Variants in CLEC19A observed in about 807,000 individuals in gnomAD.
The protein encoded by CLEC19A is C-type lectin domain family 19 member A.
In CLEC19A, 21 loss-of-function variants were observed where a neutral mutation model predicts 26.1. The observed-to-expected ratio is 0.80, with a 90% CI of 0.57 to 1.16. The LOEUF (loss-of-function observed/expected upper bound fraction) is 1.16, where lower values mean the gene tolerates loss of function less well. Ranked by LOEUF, CLEC19A falls within the 50% of genes most tolerant of loss-of-function variation. CLEC19A has a pLI of 0.00. For missense variants in CLEC19A, 224 were observed against 227.6 expected (o/e 0.98, Z 0.10); for synonymous variants, 89 against 88.6 (o/e 1.00, Z -0.03).
chr16:19,303,281 G>A (rs1019449332), intron 2 of CLEC19A, among the ~76,000 whole-genome samples: 1 of 152,136 alleles, frequency 6.6e-6, no homozygotes, highest in African/African-American at 2.4e-5. Flanking sequence ...ATCCATCCAT[G>A]TATTCATTCA....
rs528547354 is a variant in CLEC19A, at chr16:19,310,314, T to A, written c.*1231T>A. 3.3e-5 allele frequency: 5 copies of A among 150,980 alleles called. No individual in the cohort carries two copies. The highest frequency in any genetic ancestry group is 5.9e-5 in the Non-Finnish European group (4 of 67,706). 9.4% of individuals were successfully genotyped at this position (150,980 alleles called of 1,614,324 possible). ...TAAGACCCCATCTCCATAAGAAAAA[T>A]TTTTTAATTAGCCAAGCATGGTGAT... On this transcript the variant is annotated 3_prime_UTR_variant, in exon 5 of 5. Coordinates refer to ENST00000636231, the MANE Select transcript of CLEC19A (RefSeq NM_001256720.2).
chr16:19,302,968 A>C (rs1897867350), intron 2 of CLEC19A, among the ~76,000 whole-genome samples: 1 of 152,174 alleles, frequency 6.6e-6, no homozygotes, highest in South Asian at 2.1e-4. Flanking sequence ...CCTTAAATCT[A>C]ACTGGCCATG....
chr16:19,296,231 C>T (rs1897703187), intron 1 of CLEC19A, among the ~76,000 whole-genome samples: 1 of 152,232 alleles, frequency 6.6e-6, no homozygotes, highest in Admixed American at 6.5e-5. Flanking sequence ...GGGGAAAGCC[C>T]AGTGGTACTG....
At chr16:19,300,797 A>G (rs1435469485) in intron 2 of CLEC19A, among the ~76,000 whole-genome samples, 1 of 152,212 alleles carries the variant, frequency 6.6e-6, no homozygotes, top group Non-Finnish European at 1.5e-5. Context: ...CTAGAGATAC[A>G]TAGGAGCAGA....
At chr16:19,295,115 A>C (rs1420693835) in intron 1 of CLEC19A, among the ~76,000 whole-genome samples, 1 of 152,030 alleles carries the variant, frequency 6.6e-6, no homozygotes, top group Non-Finnish European at 1.5e-5. Flanking sequence ...GCGGCGATAA[A>C]ATTCCCCCTC....
chr16:19,294,006 G>A (rs535142193), intron 1 of CLEC19A, among the ~76,000 whole-genome samples: 160 of 151,886 alleles, frequency 1.1e-3, no homozygotes, highest in African/African-American at 3.6e-3. Flanking sequence ...TATTCATTCT[G>A]TCTAACCATA....
chr16:19,296,477 G>A (rs1897707556), intron 1 of CLEC19A, among the ~76,000 whole-genome samples: 1 of 152,186 alleles, frequency 6.6e-6, no homozygotes, highest in Admixed American at 6.5e-5. Flanking sequence ...AGTACTTGGT[G>A]ACTTTATTTG....
intron 1 of CLEC19A, among the ~76,000 whole-genome samples, chr16:19,289,871 A>C (rs549688486): frequency 6.6e-6 from 1 of 152,330 alleles, no homozygotes; most frequent in South Asian, 2.1e-4. Context: ...AGGGTGACTG[A>C]GTCCTCAGAA....
intron 1 of CLEC19A, among the ~76,000 whole-genome samples, chr16:19,287,925 G>A (rs946575798): frequency 1.3e-5 from 2 of 152,174 alleles, no homozygotes; most frequent in Admixed American, 1.3e-4. Context: ...TTTCTATTCT[G>A]ACAAAAGTCT....
At chr16:19,289,690 T>C (rs1253860190) in intron 1 of CLEC19A, among the ~76,000 whole-genome samples, 1 of 152,222 alleles carries the variant, frequency 6.6e-6, no homozygotes, top group African/African-American at 2.4e-5. Context: ...ATTAGCAATA[T>C]AAGAAATTGT....
intron 1 of CLEC19A, among the ~76,000 whole-genome samples, chr16:19,294,768 T>A (rs575034523): frequency 6.6e-6 from 1 of 152,350 alleles, no homozygotes; most frequent in South Asian, 2.1e-4. Context: ...TAGCCCACAC[T>A]ATACTTCTCA....
intron 1 of CLEC19A, among the ~76,000 whole-genome samples, chr16:19,287,594 G>A (rs1289017975): frequency 2.0e-5 from 3 of 152,172 alleles, no homozygotes; most frequent in Admixed American, 6.5e-5. Context: ...ACTGCGCCTC[G>A]TATATCCCAA....
At position 19,286,002 on chromosome 16, in the gene CLEC19A, A is replaced by T. The variant is rs180870593; in HGVS notation, c.88+63A>T. 3,318 of 1,470,670 alleles carry T rather than the reference A, an allele frequency of 2.3e-3. 5 individuals carry two copies. Among genetic ancestry groups the T allele is most frequent in the South Asian group, 3.4e-3 (278 of 82,490 alleles). 91.1% of individuals were successfully genotyped at this position (1,470,670 alleles called of 1,614,324 possible). A position where few individuals can be genotyped will look rare whatever the true frequency, so the allele number is the denominator to read the frequency against. On this transcript the variant is annotated intron_variant, in intron 1 of 4. Transcript: ENST00000636231. ...GAGTACACTCTCAGGAACTTATTCTATCGGTGAGGCCTGGCAGCTTCTGTT... is the reference window on the plus strand; with the variant it reads ...GAGTACACTCTCAGGAACTTATTCTTTCGGTGAGGCCTGGCAGCTTCTGTT...
chr16:19,291,567 T>C (rs1034853079), intron 1 of CLEC19A, among the ~76,000 whole-genome samples: 1 of 152,256 alleles, frequency 6.6e-6, no homozygotes, highest in African/African-American at 2.4e-5. Flanking sequence ...CAGTGAATGC[T>C]GAGTCAGAGT....
Position 19,307,331 on chromosome 16 carries a change from A to T in CLEC19A, c.349-214A>T, listed in dbSNP as rs563277573. On this transcript the variant is annotated intron_variant, in intron 3 of 4. Transcript: ENST00000636231. ...GAGTAAAGTTCCTGGCATGGCACATAATAAGCCCTCAACAAATGGCAGCTA... is the reference window on the plus strand; with the variant it reads ...GAGTAAAGTTCCTGGCATGGCACATTATAAGCCCTCAACAAATGGCAGCTA... Among the ~76,000 whole-genome samples, 29 of 152,244 alleles carry T rather than the reference A, an allele frequency of 1.9e-4. No homozygotes were observed. In the South Asian group the frequency reaches 2.3e-3, roughly 12 times the overall value.
At chr16:19,307,316 C>T (rs994103770) in intron 3 of CLEC19A, among the ~76,000 whole-genome samples, 2 of 152,268 alleles carry the variant, frequency 1.3e-5, no homozygotes, top group Non-Finnish European at 2.9e-5. Flanking sequence ...GAGTAAAGTT[C>T]CTGGCATGGC....
At position 19,310,700 on chromosome 16, in the gene CLEC19A, A is replaced by G. The variant is rs1312370537; in HGVS notation, c.*1617A>G. The G allele has an allele frequency of 6.6e-6, 1 of 152,242 alleles. No homozygotes were observed. The highest frequency in any genetic ancestry group is 1.9e-4 in the East Asian group (1 of 5,196). 9.4% of individuals were successfully genotyped at this position (152,242 alleles called of 1,614,324 possible). Reference sequence around the variant, plus strand: ...CCAGTCACAAAAGACCACATGTTGTATGATTCCATATATATGAAATATCCA... The same window carrying G: ...CCAGTCACAAAAGACCACATGTTGTGTGATTCCATATATATGAAATATCCA... On this transcript the variant is annotated 3_prime_UTR_variant, in exon 5 of 5. Transcript: ENST00000636231.
Position 19,298,770 on chromosome 16 carries a change from T to C in CLEC19A, c.186T>C (p.Ala62=), listed in dbSNP as rs1548450. The C allele has an allele frequency of 0.33, 514,908 of 1,550,076 alleles. 90,972 individuals carry two copies. The highest frequency in any genetic ancestry group is 0.6 in the African/African-American group (44,030 of 72,846). ...YRFFPLNKTW[A]EADLYCSEFS... is the part of the protein sequence containing the mutation. ...TCTTCCCTCTCAATAAGACCTGGGC[T>C]GAGGCCGACCTCTACTGTTCTGAGT... The change falls in exon 2 of 5, where the codon GCT becomes GCC. Residue 62 remains alanine (A), a synonymous_variant. Transcript: ENST00000636231.
At position 19,285,943 on chromosome 16, in the gene CLEC19A, A is replaced by T. The variant is rs1234676281; in HGVS notation, c.88+4A>T. On this transcript the variant is annotated splice_donor_region_variant and intron_variant, in intron 1 of 4. Coordinates refer to ENST00000636231, the MANE Select transcript of CLEC19A (RefSeq NM_001256720.2). ...ACAGACATCAGTATCAGTCCAGGTAAGTGCAGGGACCAGGGCTGGGAGCAG... is the reference window on the plus strand; with the variant it reads ...ACAGACATCAGTATCAGTCCAGGTATGTGCAGGGACCAGGGCTGGGAGCAG... 2 of 1,550,380 alleles carry T rather than the reference A, an allele frequency of 1.3e-6. No individual in the cohort carries two copies. The highest frequency in any genetic ancestry group is 1.7e-6 in the Non-Finnish European group (2 of 1,146,866).
Sources: allele counts gnomAD v4.1 joint callset (sites outside exome capture counted in the v4.1 genomes callset), GRCh38; gene constraint gnomAD v4.1.1; transcripts MANE v1.5; gene names NCBI Gene and HGNC (gene_info 2026-07-23, HGNC 2026-07-21).